The following MVB12A variants were observed in gnomAD, a reference collection of about 807,000 sequenced individuals.
MVB12A encodes multivesicular body subunit 12A, also known as CIN85/CD2AP family binding protein.
A neutral mutation model predicts 34.3 loss-of-function variants in MVB12A; 30 were observed. That is an observed-to-expected ratio of 0.88 (90% CI 0.65 to 1.19). MVB12A has a LOEUF of 1.19. MVB12A is among the 50% of genes most tolerant of loss of function. The pLI is 0.00. For missense variants in MVB12A, 355 were observed against 369.2 expected (o/e 0.96, Z 0.31); for synonymous variants, 158 against 158.9 (o/e 0.99, Z 0.04).
In MVB12A at chr19:17,420,048, T is replaced by C. The variant is rs2074826987; in HGVS notation, c.-88T>C. 1 of 392,328 alleles carries C rather than the reference T, an allele frequency of 2.5e-6. No individual in the cohort carries two copies. Among genetic ancestry groups the C allele is most frequent in the Non-Finnish European group, 3.7e-6 (1 of 270,734 alleles). The allele number at this position is 392,328 out of a possible 1,614,324, so 24.3% of individuals were successfully genotyped here. On this transcript the variant is annotated 5_prime_UTR_variant, in exon 1 of 9. Coordinates refer to ENST00000317040, the MANE Select transcript of MVB12A (RefSeq NM_138401.4). ...CCCCCGCATGGCCTTCTGGGAGTTG[T>C]AGTTCGGTCGCGAGCGCTGCCGTCG...
upstream of MVB12A, chr19:17,418,386 T>TATTATC (rs2074815269): frequency 2.1e-5 from 3 of 142,630 alleles, no homozygotes; most frequent in African/African-American, 7.9e-5. Context: ...ATATTATTAT[T>TATTATC]ATTATTATTA....
upstream of MVB12A, chr19:17,419,938 T>C (rs965633504): frequency 2.5e-6 from 1 of 399,952 alleles, no homozygotes; most frequent in Non-Finnish European, 4.4e-6. Flanking sequence ...CGACGCGTGG[T>C]GGCGAGGCTC....
At chr19:17,421,099 C>T (rs1423240166) in intron 3 of MVB12A, 1 of 460,172 alleles carries the variant, frequency 2.2e-6, no homozygotes, top group East Asian at 6.9e-5. Context: ...GCAGCCCTCC[C>T]AGCCCCACCT....
upstream of MVB12A, among the ~76,000 whole-genome samples, chr19:17,416,859 CCT>C (rs1181975805): frequency 2.0e-5 from 3 of 150,410 alleles, no homozygotes; most frequent in Non-Finnish European, 4.4e-5. Flanking sequence ...ACCACCACCC[CCT>C]GCTAATGTTT....
chr19:17,415,633 G>C (rs2074794797), upstream of MVB12A: 2 of 152,214 alleles, frequency 1.3e-5, no homozygotes, highest in Non-Finnish European at 2.9e-5. Flanking sequence ...TCCGAACCAA[G>C]GTATAAAAGT....
At chr19:17,412,716 A>G (rs577108706) in intron 2 of MVB12A, among the ~76,000 whole-genome samples, 1 of 152,246 alleles carries the variant, frequency 6.6e-6, no homozygotes, top group East Asian at 1.9e-4. Context: ...CATCAGTTAC[A>G]TTATTCTGAC....
At chr19:17,423,401 C>A in intron 4 of MVB12A, 97 bp from the exon 5 acceptor site, 1 of 1,387,718 alleles carries the variant, frequency 7.2e-7, no homozygotes. Flanking sequence ...AGACAGAGGT[C>A]ACCTGCATGC....
At chr19:17,423,833 G>A (rs780529842) in intron 6 of MVB12A, 34 bp downstream of exon 6, 3 of 1,601,224 alleles carry the variant, frequency 1.9e-6, no homozygotes, top group Middle Eastern at 1.7e-4. Context: ...AGGCGTGGAA[G>A]TGGAGGGTGT....
chr19:17,425,055 C>T lies in MVB12A; in HGVS notation c.*62C>T. 1.2e-6 allele frequency: 1 copy of T among 841,434 alleles called. No individual in the cohort carries two copies. The highest frequency in any genetic ancestry group is 1.9e-6 in the Non-Finnish European group (1 of 513,958). 52.1% of individuals were successfully genotyped at this position (841,434 alleles called of 1,614,324 possible). On this transcript the variant is annotated 3_prime_UTR_variant, in exon 9 of 9. Transcript: ENST00000317040. ...ACCTCCCCGCCAGCCTGGGGCCACC[C>T]CCCCTCACTGCATCCTGGGGCCACC...
intron 2 of MVB12A, among the ~76,000 whole-genome samples, chr19:17,407,359 A>C (rs1314994603): frequency 6.6e-6 from 1 of 152,188 alleles, no homozygotes; most frequent in Non-Finnish European, 1.5e-5. Context: ...CCGGGGGACC[A>C]CTACCAGCAA....
intron 4 of MVB12A, 154 bp downstream of exon 4, chr19:17,422,612 A>T (rs1219231673): frequency 4.7e-6 from 3 of 642,284 alleles, no homozygotes; most frequent in African/African-American, 1.9e-5. Context: ...CATATATATC[A>T]TCTTGTAGGA....
intron 2 of MVB12A, among the ~76,000 whole-genome samples, chr19:17,406,552 C>G (rs994412878): frequency 6.6e-6 from 1 of 151,966 alleles, no homozygotes; most frequent in Non-Finnish European, 1.5e-5. Flanking sequence ...CAGGGCCAGA[C>G]AGTAGGCGAG....
chr19:17,410,884 C>T (rs1158649922), intron 2 of MVB12A, among the ~76,000 whole-genome samples: 15 of 133,384 alleles, frequency 1.1e-4, no homozygotes, highest in Non-Finnish European at 2.2e-4. Context: ...AGTGAGATCG[C>T]GCCACTGCAC....
At position 17,424,008 on chromosome 19, in the gene MVB12A, A is replaced by G. The variant is rs1568392478; in HGVS notation, c.643A>G (p.Met215Val). 6.2e-7 allele frequency: 1 copy of G among 1,614,062 alleles called. No individual in the cohort carries two copies. Among genetic ancestry groups the G allele is most frequent in the East Asian group, 2.2e-5 (1 of 44,884 alleles). Residue 215 changes from methionine (M) to valine (V), a missense_variant and splice_region_variant, in exon 7 of 9, where the codon ATG becomes GTG. By Grantham distance (21) the Met-to-Val change is conservative (BLOSUM62 1). Coordinates refer to ENST00000317040, the MANE Select transcript of MVB12A (RefSeq NM_138401.4). ...CTCCCCTCGCACGTGTTTTTCAGCC[A>G]TGGATGGGGTTCCCTTCACACTCCA... is the stretch of plus-strand genomic sequence containing the variant. Reference protein sequence around the residue: ...EASSLYGISAMDGVPFTLHPR... With the variant: ...EASSLYGISAVDGVPFTLHPR...
At position 17,408,893 on chromosome 19, in the gene MVB12A, G is replaced by C. The variant is rs188536053; in HGVS notation, c.-5+2597G>C. On this transcript the variant is annotated intron_variant, in intron 2 of 6. Transcript: ENST00000528604. The stretch of plus-strand genomic sequence containing the variant: ...CGCCCAGGCTGGAGTGCAGTGGTAC[G>C]ATCTCGATCACTACAACCTCTGCCT... Among the ~76,000 whole-genome samples, 61 of 127,894 alleles carry C rather than the reference G, an allele frequency of 4.8e-4. 1 individual carries two copies. The highest frequency in any genetic ancestry group is 1.7e-3 in the African/African-American group (59 of 34,068). 83.9% of individuals were successfully genotyped at this position (127,894 alleles called of 152,430 possible).
chr19:17,410,363 G>A (rs141543103), intron 2 of MVB12A, among the ~76,000 whole-genome samples: 1,938 of 150,034 alleles, frequency 0.013, 44 homozygotes, highest in African/African-American at 0.046. Context: ...AGAGATGGGG[G>A]TCTCAGTATG....
chr19:17,420,530 A>AC lies in MVB12A; in HGVS notation c.190-3dup. 1 of 1,607,510 alleles carries AC rather than the reference A, an allele frequency of 6.2e-7. No homozygotes were observed. The highest frequency in any genetic ancestry group is 8.5e-7 in the Non-Finnish European group (1 of 1,175,688). On this transcript the variant is annotated splice_polypyrimidine_tract_variant and splice_region_variant and intron_variant, in intron 2 of 8. Transcript: ENST00000317040. ...GCCACCCTCGCCGTGTCCCCCTTCC[A>AC]CCCCCAGAACCCGCAGGAGAACGTG...
intron 3 of MVB12A, 187 bp downstream of exon 3, chr19:17,420,821 G>A (rs2074834254): frequency 3.1e-6 from 2 of 642,798 alleles, no homozygotes; most frequent in Non-Finnish European, 5.6e-6. Flanking sequence ...GATTCAAAAT[G>A]TGTGATATGA....
At chr19:17,415,543 A>C (rs1419058647), upstream of MVB12A, 1 of 152,230 alleles carries the variant, frequency 6.6e-6, no homozygotes, top group Admixed American at 6.5e-5. Flanking sequence ...TAAATTGTTT[A>C]TTTCTCTGTA....
Sources: gnomAD v4.1 joint callset for allele counts (sites outside exome capture counted in the v4.1 genomes callset) on GRCh38, gnomAD v4.1.1 for gene constraint, MANE v1.5 for transcripts, NCBI Gene and HGNC (gene_info 2026-07-23, HGNC 2026-07-21) for gene names.